NR2C2: variants seen among roughly 807,000 people sequenced by gnomAD.
NR2C2 encodes nuclear receptor subfamily 2 group C member 2, also known as Nuclear hormone receptor TR4.
In NR2C2, 6 loss-of-function variants were observed where a neutral mutation model predicts 62.9. The observed-to-expected ratio is 0.10, with a 90% CI of 0.05 to 0.19. The LOEUF (loss-of-function observed/expected upper bound fraction) is 0.19, where lower values mean the gene tolerates loss of function less well. Among genes scored for constraint, NR2C2 ranks in the 10% least tolerant of loss-of-function variants. The pLI, the probability that NR2C2 is intolerant of heterozygous loss-of-function variation, is 1.00. For synonymous variants in NR2C2, 272 were observed against 273.8 expected, an observed-to-expected ratio of 0.99 and a Z score of 0.07; for missense variants, 479 against 762.7, an observed-to-expected ratio of 0.63 and a Z score of 4.38.
intron 1 of NR2C2, among the ~76,000 whole-genome samples, chr3:14,984,570 T>C (rs949235663): frequency 2.0e-5 from 3 of 152,220 alleles, no homozygotes; most frequent in Non-Finnish European, 4.4e-5. Context: ...CCACTTTTTT[T>C]GTCTTGCTTC....
intron 1 of NR2C2, among the ~76,000 whole-genome samples, chr3:14,970,489 C>T (rs1345256047): frequency 6.6e-6 from 1 of 152,096 alleles, no homozygotes; most frequent in Non-Finnish European, 1.5e-5. Flanking sequence ...GCTACCATTC[C>T]CCTCATTCCC....
intron 8 of NR2C2, 73 bp from the exon 9 acceptor site, chr3:15,030,202 A>G (rs2041943679): frequency 3.9e-6 from 5 of 1,281,536 alleles, no homozygotes; most frequent in Non-Finnish European, 5.5e-6. Flanking sequence ...GTTTTTCTAA[A>G]TCATAGCTAG....
chr3:15,016,081 C>A, intron 3 of NR2C2, 71 bp from the exon 4 acceptor site: 2 of 1,180,384 alleles, frequency 1.7e-6, no homozygotes, highest in Non-Finnish European at 1.3e-6. Flanking sequence ...GGATTATAGA[C>A]GTGAGCCACC....
At position 15,030,397 on chromosome 3, in the gene NR2C2, C is replaced by T; in HGVS notation, c.1055C>T (p.Thr352Ile). ...CACGTCATCAGCAGAGACCAGTCGACACCCATCATTGAGGTTGAAGGCCCC... is the reference window on the plus strand; with the variant it reads ...CACGTCATCAGCAGAGACCAGTCGATACCCATCATTGAGGTTGAAGGCCCC... ...SIHVISRDQS[T>I]PIIEVEGPLL... Residue 352 changes from threonine to isoleucine, a missense_variant, in exon 9 of 14, where the codon ACA becomes ATA. Coordinates refer to ENST00000425241, the MANE Select transcript of NR2C2 (RefSeq NM_001291694.2). 6.2e-7 allele frequency: 1 copy of T among 1,610,998 alleles called. No homozygotes were observed. Among genetic ancestry groups the T allele is most frequent in the Non-Finnish European group, 8.5e-7 (1 of 1,179,152 alleles).
chr3:15,036,612 C>T (rs758375689), intron 11 of NR2C2, among the ~76,000 whole-genome samples: 2 of 152,144 alleles, frequency 1.3e-5, no homozygotes, highest in African/African-American at 4.8e-5. Flanking sequence ...GCCTCAGCCT[C>T]CCAAGTAGCT....
chr3:14,950,761 C>G (rs574496873), intron 1 of NR2C2, among the ~76,000 whole-genome samples: 27 of 152,310 alleles, frequency 1.8e-4, no homozygotes, highest in Non-Finnish European at 2.8e-4. Flanking sequence ...TTATCCAGCA[C>G]TTAGAAGAGT....
Position 14,977,232 on chromosome 3 carries a change from G to C in NR2C2, c.-39-26644G>C, listed in dbSNP as rs2040233440. On this transcript the variant is annotated intron_variant, in intron 1 of 13. Coordinates refer to ENST00000425241, the MANE Select transcript of NR2C2 (RefSeq NM_001291694.2). ...TAGAATCTGTCTTCATCACTGACTA[G>C]TGCTTGAGTATGTTACTTAATGTCT... 1.3e-5 allele frequency among the ~76,000 whole-genome samples: 2 copies of C among 152,084 alleles called. 1 individual carries two copies. The highest frequency in any genetic ancestry group is 4.1e-4 in the South Asian group (2 of 4,822).
At chr3:15,015,347 T>C (rs1282260760) in intron 3 of NR2C2, among the ~76,000 whole-genome samples, 3 of 152,262 alleles carry the variant, frequency 2.0e-5, no homozygotes, top group Non-Finnish European at 4.4e-5. Flanking sequence ...GATGAATTGC[T>C]GTCGCCTAGA....
intron 2 of NR2C2, among the ~76,000 whole-genome samples, chr3:15,009,242 C>T (rs779664584): frequency 1.4e-4 from 22 of 152,060 alleles, no homozygotes; most frequent in Admixed American, 5.9e-4. Context: ...TAAGTAAATA[C>T]GGCACTTTAC....
At chr3:14,966,363 G>A (rs369185402) in intron 1 of NR2C2, among the ~76,000 whole-genome samples, 10 of 152,314 alleles carry the variant, frequency 6.6e-5, no homozygotes, top group East Asian at 5.8e-4. Context: ...AGACTCTATC[G>A]AGTGAGATTG....
intron 1 of NR2C2, among the ~76,000 whole-genome samples, chr3:14,983,494 C>CACAT (rs943915224): frequency 6.6e-6 from 1 of 151,496 alleles, no homozygotes; most frequent in Non-Finnish European, 1.5e-5. Context: ...CACACACACA[C>CACAT]ATTCTTAGTT....
At chr3:14,962,365 G>C (rs2039710375) in intron 1 of NR2C2, 1 of 152,612 alleles carries the variant, frequency 6.6e-6, no homozygotes, top group Non-Finnish European at 1.5e-5. Context: ...CAAGTAGTCT[G>C]GTTTCTCCCC....
intron 3 of NR2C2, among the ~76,000 whole-genome samples, chr3:15,015,868 C>T (rs2041495454): frequency 6.6e-6 from 1 of 152,154 alleles, no homozygotes. Context: ...GTGGTGCGAT[C>T]TCGGCTCACT....
intron 2 of NR2C2, among the ~76,000 whole-genome samples, chr3:15,012,606 A>G (rs2041387898): frequency 6.6e-6 from 1 of 152,176 alleles, no homozygotes; most frequent in Admixed American, 6.5e-5. Context: ...AGTTCCAGCC[A>G]GAGACATAGC....
intron 1 of NR2C2, among the ~76,000 whole-genome samples, chr3:14,992,817 A>C (rs1212863282): frequency 6.6e-6 from 1 of 152,256 alleles, no homozygotes; most frequent in East Asian, 1.9e-4. Context: ...CTGTGTCTAA[A>C]GATATTTCAC....
chr3:14,956,683 A>G (rs1410194436), intron 1 of NR2C2, among the ~76,000 whole-genome samples: 2 of 152,186 alleles, frequency 1.3e-5, no homozygotes, highest in African/African-American at 4.8e-5. Context: ...CTGGAATTAC[A>G]GGCATATGCC....
chr3:14,965,403 T>C (rs2039812122), intron 1 of NR2C2, among the ~76,000 whole-genome samples: 1 of 151,980 alleles, frequency 6.6e-6, no homozygotes, highest in Non-Finnish European at 1.5e-5. Flanking sequence ...TATAGGCTAA[T>C]GTAAGTTCTT....
intron 1 of NR2C2, among the ~76,000 whole-genome samples, chr3:14,987,822 C>T (rs1024022384): frequency 2.0e-5 from 3 of 152,312 alleles, no homozygotes; most frequent in African/African-American, 2.4e-5. Context: ...TCTTTTCTCA[C>T]GTGCATATCA....
chr3:14,954,760 G>A (rs755729894), intron 1 of NR2C2, among the ~76,000 whole-genome samples: 1 of 152,142 alleles, frequency 6.6e-6, no homozygotes, highest in Non-Finnish European at 1.5e-5. Flanking sequence ...TTTCTGATCT[G>A]AGTGGCATTT....
Sources: allele counts gnomAD v4.1 joint callset (sites outside exome capture counted in the v4.1 genomes callset), GRCh38; gene constraint gnomAD v4.1.1; transcripts MANE v1.5; gene names NCBI Gene and HGNC (gene_info 2026-07-23, HGNC 2026-07-21).